CNBD1: variants seen among roughly 807,000 people sequenced by gnomAD.
CNBD1 encodes cyclic nucleotide-binding domain-containing protein 1.
CNBD1 carries 71 observed loss-of-function variants against 54.4 expected under a neutral mutation model. The observed-to-expected ratio is 1.30, with a 90% CI of 1.08 to 1.59. The LOEUF (loss-of-function observed/expected upper bound fraction) is 1.59. CNBD1 is among the 40% of genes most tolerant of loss of function. The probability of loss-of-function intolerance (pLI) is 0.00; values close to 1 mark genes in which losing one functional copy is unlikely to be tolerated. For missense variants in CNBD1, 659 were observed against 518.0 expected (o/e 1.27, Z -2.64); for synonymous variants, 182 against 170.7 (o/e 1.07, Z -0.51).
At chr8:87,129,344 T>C (rs1812069449) in intron 4 of CNBD1, among the ~76,000 whole-genome samples, 1 of 152,120 alleles carries the variant, frequency 6.6e-6, no homozygotes, top group Non-Finnish European at 1.5e-5. Context: ...ATTTCATCTA[T>C]ATATCTATGT....
chr8:87,344,257 G>A (rs113423375), intron 8 of CNBD1, among the ~76,000 whole-genome samples: 5 of 149,840 alleles, frequency 3.3e-5, no homozygotes, highest in Admixed American at 6.6e-5. Flanking sequence ...TTTATTCAGT[G>A]GTTCTATATA....
At chr8:87,011,231 T>G (rs1809214879) in intron 4 of CNBD1, among the ~76,000 whole-genome samples, 1 of 150,132 alleles carries the variant, frequency 6.7e-6, no homozygotes, top group East Asian at 2.1e-4. Flanking sequence ...CTCACAGCAC[T>G]GTGCAACTAA....
chr8:87,200,114 C>T (rs1322721064), intron 4 of CNBD1, among the ~76,000 whole-genome samples: 3 of 152,056 alleles, frequency 2.0e-5, no homozygotes, highest in Non-Finnish European at 4.4e-5. Context: ...GACCTGTGGG[C>T]TACCATCCAT....
chr8:86,983,364 T>C (rs1457573720), intron 4 of CNBD1, among the ~76,000 whole-genome samples: 1 of 152,190 alleles, frequency 6.6e-6, no homozygotes, highest in African/African-American at 2.4e-5. Flanking sequence ...CTCAGATATG[T>C]CTTTATCAGC....
chr8:87,343,517 G>T (rs534492015), intron 8 of CNBD1, among the ~76,000 whole-genome samples: 1 of 152,154 alleles, frequency 6.6e-6, no homozygotes, highest in East Asian at 1.9e-4. Context: ...CTGACTTCCC[G>T]CAACAAAAAA....
chr8:86,991,593 C>T (rs180993521), intron 4 of CNBD1, among the ~76,000 whole-genome samples: 1 of 152,192 alleles, frequency 6.6e-6, no homozygotes, highest in Admixed American at 6.5e-5. Context: ...TCCAGTTCTT[C>T]TAGGTGCATT....
chr8:87,138,136 G>A lies in CNBD1; in HGVS notation c.432-67857G>A, dbSNP rs115051005. 9.3e-3 allele frequency among the ~76,000 whole-genome samples: 1,414 copies of A among 152,082 alleles called. 25 individuals are homozygous for A. Among genetic ancestry groups the A allele is most frequent in the African/African-American group, 0.032 (1,341 of 41,466 alleles). ...AAGGCACAAAAGTCCTGTTTTTCTTGGTCTCTCATCAATCCAAGAACACAG... is the reference window on the plus strand; with the variant it reads ...AAGGCACAAAAGTCCTGTTTTTCTTAGTCTCTCATCAATCCAAGAACACAG... On this transcript the variant is annotated intron_variant, in intron 4 of 10. Transcript: ENST00000518476.
chr8:87,171,152 C>T (rs1027788371), intron 4 of CNBD1, among the ~76,000 whole-genome samples: 1 of 152,122 alleles, frequency 6.6e-6, no homozygotes, highest in Non-Finnish European at 1.5e-5. Context: ...TATCAGGTCT[C>T]AGGCTTTTCT....
intron 5 of CNBD1, 56 bp from the exon 6 acceptor site, chr8:87,236,863 T>A: frequency 2.9e-6 from 3 of 1,031,964 alleles, no homozygotes; most frequent in Non-Finnish European, 4.3e-6. Flanking sequence ...ATTAGTCATA[T>A]CTATATCAAG....
chr8:87,348,491 C>T (rs899411145), intron 8 of CNBD1, among the ~76,000 whole-genome samples: 1 of 152,024 alleles, frequency 6.6e-6, no homozygotes, highest in Non-Finnish European at 1.5e-5. Context: ...TCAAAGATAA[C>T]ATTAATTGGT....
chr8:87,111,850 G>T (rs564671067), intron 4 of CNBD1, among the ~76,000 whole-genome samples: 1 of 151,354 alleles, frequency 6.6e-6, no homozygotes, highest in South Asian at 2.1e-4. Flanking sequence ...CTCCCACCTT[G>T]CTGCTGACAA....
chr8:87,413,199 A>G (rs1275040899), intron 2 of CNBD1, among the ~76,000 whole-genome samples: 1 of 152,026 alleles, frequency 6.6e-6, no homozygotes, highest in Non-Finnish European at 1.5e-5. Context: ...TTGTGAAATT[A>G]CAGCTATCTG....
intron 4 of CNBD1, among the ~76,000 whole-genome samples, chr8:87,120,465 C>G (rs1027572425): frequency 1.3e-5 from 2 of 151,736 alleles, no homozygotes; most frequent in African/African-American, 2.4e-5. Context: ...TCTCTCTTCT[C>G]TCTTGGTTAG....
At chr8:87,095,699 C>T (rs1416370594) in intron 4 of CNBD1, among the ~76,000 whole-genome samples, 1 of 152,172 alleles carries the variant, frequency 6.6e-6, no homozygotes, top group Non-Finnish European at 1.5e-5. Context: ...GCTCTGTCGC[C>T]CAGGCTGGAG....
chr8:86,924,866 G>C (rs1586137847), intron 3 of CNBD1, among the ~76,000 whole-genome samples: 2 of 152,180 alleles, frequency 1.3e-5, no homozygotes, highest in Admixed American at 6.5e-5. Context: ...TCTATAGCTT[G>C]TCATATATTC....
Position 87,194,297 on chromosome 8 carries a change from G to A in CNBD1, c.432-11696G>A, listed in dbSNP as rs116123266. 9.0e-3 allele frequency among the ~76,000 whole-genome samples: 1,367 copies of A among 151,500 alleles called. 20 individuals are homozygous for A. The highest frequency in any genetic ancestry group is 0.031 in the Middle Eastern group (9 of 294). On this transcript the variant is annotated intron_variant, in intron 4 of 10. Coordinates refer to ENST00000518476, the MANE Select transcript of CNBD1 (RefSeq NM_173538.3). ...GCGATAAATTGACACTTGAAAAGCA[G>A]GTAGTTAAGGGGAACAATGTTTAAG...
intron 5 of CNBD1, among the ~76,000 whole-genome samples, chr8:87,225,522 G>T (rs1471243667): frequency 8.0e-5 from 12 of 150,530 alleles, no homozygotes; most frequent in Middle Eastern, 3.2e-3. Flanking sequence ...CTTTGGTTCT[G>T]TTTATATGCT....
chr8:86,894,423 A>G lies in CNBD1; in HGVS notation c.158+6812A>G, dbSNP rs1586117361. ...AAATTGAGTAGAAAGTATAATTTCC[A>G]TACATACCTTGACCCCTCCTTCCTA... On this transcript the variant is annotated intron_variant, in intron 2 of 10. Transcript: ENST00000518476. Among the ~76,000 whole-genome samples, 4 of 152,358 alleles carry G rather than the reference A, an allele frequency of 2.6e-5. No homozygotes were observed. The South Asian group carries it at 8.3e-4, about 32-fold the overall frequency.
At chr8:87,372,588 G>A (rs1035087767) in intron 10 of CNBD1, among the ~76,000 whole-genome samples, 5 of 151,852 alleles carry the variant, frequency 3.3e-5, no homozygotes, top group Non-Finnish European at 7.4e-5. Flanking sequence ...AAGAGTCTAT[G>A]CTGTTATAAA....
Sources: allele counts gnomAD v4.1 joint callset (sites outside exome capture counted in the v4.1 genomes callset), GRCh38; gene constraint gnomAD v4.1.1; transcripts MANE v1.5; gene names NCBI Gene and HGNC (gene_info 2026-07-23, HGNC 2026-07-21).